The following TMEM178B variants were observed in gnomAD, a reference collection of about 807,000 sequenced individuals.
The protein encoded by TMEM178B is transmembrane protein 178B.
Under a neutral mutation model 31.0 loss-of-function variants are expected in TMEM178B, and 5 were observed. The observed-to-expected ratio is 0.16, with a 90% CI of 0.08 to 0.34. The LOEUF (loss-of-function observed/expected upper bound fraction) is 0.34, where lower values mean the gene tolerates loss of function less well. Among genes scored for constraint, TMEM178B ranks in the 10% least tolerant of loss-of-function variants. The probability of loss-of-function intolerance (pLI) is 1.00; values close to 1 mark genes in which losing one functional copy is unlikely to be tolerated. For missense variants in TMEM178B, 275 were observed against 400.3 expected, an observed-to-expected ratio of 0.69 and a Z score of 2.67; for synonymous variants, 164 against 164.0, an observed-to-expected ratio of 1.00 and a Z score of 0.00.
chr7:141,098,342 C>A (rs188155232), intron 1 of TMEM178B, among the ~76,000 whole-genome samples: 1 of 152,216 alleles, frequency 6.6e-6, no homozygotes, highest in Non-Finnish European at 1.5e-5. Flanking sequence ...GAACTGCCCT[C>A]TTGAAGGGCT....
intron 2 of TMEM178B, among the ~76,000 whole-genome samples, chr7:141,436,057 G>T (rs547296191): frequency 6.6e-6 from 1 of 152,140 alleles, no homozygotes; most frequent in Non-Finnish European, 1.5e-5. Flanking sequence ...GTGTCTGATG[G>T]TCAATGTCAG....
intron 2 of TMEM178B, chr7:141,351,855 T>C (rs1208048079): frequency 6.6e-6 from 1 of 152,172 alleles, no homozygotes; most frequent in South Asian, 2.1e-4. Context: ...TGTCCCACCT[T>C]CAAAGATGCT....
chr7:141,487,857 A>T, the TMEM178B span, among the ~76,000 whole-genome samples: 1 of 151,926 alleles, frequency 6.6e-6, no homozygotes, highest in African/African-American at 2.4e-5. Flanking sequence ...TAAAAATATA[A>T]ACGTTCAATT....
intron 3 of TMEM178B, among the ~76,000 whole-genome samples, chr7:141,458,134 G>A (rs1801998605): frequency 6.6e-6 from 1 of 152,082 alleles, no homozygotes; most frequent in Non-Finnish European, 1.5e-5. Context: ...GTTGTTTATT[G>A]TTTGAGATGA....
At chr7:141,507,326 G>A in the TMEM178B span, among the ~76,000 whole-genome samples, 1 of 152,124 alleles carries the variant, frequency 6.6e-6, no homozygotes, top group Non-Finnish European at 1.5e-5. Flanking sequence ...CTTTCACTTG[G>A]GCATCCAGGC....
chr7:141,160,270 C>T (rs547418323), intron 1 of TMEM178B, among the ~76,000 whole-genome samples: 1 of 152,134 alleles, frequency 6.6e-6, no homozygotes, highest in East Asian at 1.9e-4. Flanking sequence ...TGATGAATTT[C>T]AAGCTGTCTA....
chr7:141,263,727 G>C (rs1038451651), intron 2 of TMEM178B, among the ~76,000 whole-genome samples: 1 of 152,208 alleles, frequency 6.6e-6, no homozygotes, highest in African/African-American at 2.4e-5. Flanking sequence ...CTCATCTGCA[G>C]GGATTTTCCC....
chr7:141,326,496 T>C (rs1770531408), intron 2 of TMEM178B, among the ~76,000 whole-genome samples: 1 of 152,188 alleles, frequency 6.6e-6, no homozygotes. Flanking sequence ...GTAGTGCCTA[T>C]GGGTAGATGC....
chr7:141,176,878 G>A (rs1484074657), intron 1 of TMEM178B, among the ~76,000 whole-genome samples: 2 of 151,912 alleles, frequency 1.3e-5, no homozygotes. Context: ...GGCCTATTTT[G>A]TTGATCTTTT....
At chr7:141,428,947 A>G (rs1401932323) in intron 2 of TMEM178B, among the ~76,000 whole-genome samples, 3 of 152,160 alleles carry the variant, frequency 2.0e-5, no homozygotes, top group Admixed American at 6.5e-5. Flanking sequence ...CACTGGATTC[A>G]CTGCTGGTAA....
chr7:141,428,897 C>A (rs1801370257), intron 2 of TMEM178B, among the ~76,000 whole-genome samples: 1 of 152,308 alleles, frequency 6.6e-6, no homozygotes, highest in Admixed American at 6.5e-5. Context: ...CAGCTGAATT[C>A]TTTCCTCCAA....
At chr7:141,180,480 AAAAG>A (rs1174683968) in intron 1 of TMEM178B, among the ~76,000 whole-genome samples, 59 of 151,058 alleles carry the variant, frequency 3.9e-4, no homozygotes, top group African/African-American at 1.4e-3. Flanking sequence ...AAAAAAAAAA[AAAAG>A]AAAGAAAGAA....
chr7:141,324,416 G>GTTTTTTTTTT lies in TMEM178B; in HGVS notation c.496+111740_496+111749dup, dbSNP rs56316531. Among the ~76,000 whole-genome samples the GTTTTTTTTTT allele has an allele frequency of 1.0e-4, 9 of 85,774 alleles. 1 individual carries two copies. Among genetic ancestry groups the GTTTTTTTTTT allele is most frequent in the African/African-American group, 1.6e-4 (4 of 24,836 alleles). The allele number at this position is 85,774 out of a possible 152,430, so 56.3% of individuals were successfully genotyped here. ...TGTGAGAGCAAGAGAGGAGACCAGG[G>GTTTTTTTTTT]TTTTTTTTTTTTTTTTTTTTTTTTT... On this transcript the variant is annotated intron_variant, in intron 2 of 3. Coordinates refer to ENST00000565468, the MANE Select transcript of TMEM178B (RefSeq NM_001195278.2).
the TMEM178B span, among the ~76,000 whole-genome samples, chr7:141,500,667 A>G: frequency 6.6e-6 from 1 of 152,140 alleles, no homozygotes; most frequent in Non-Finnish European, 1.5e-5. Context: ...CTTATTTTGC[A>G]TGATTTTCTG....
intron 2 of TMEM178B, among the ~76,000 whole-genome samples, chr7:141,238,124 T>A (rs1314659106): frequency 6.6e-6 from 1 of 152,036 alleles, no homozygotes; most frequent in Non-Finnish European, 1.5e-5. Context: ...GGAAACCGGT[T>A]GACTTCAGTG....
chr7:141,178,158 A>G (rs1323840335), intron 1 of TMEM178B, among the ~76,000 whole-genome samples: 1 of 152,080 alleles, frequency 6.6e-6, no homozygotes, highest in Non-Finnish European at 1.5e-5. Context: ...TCTCTCTGCC[A>G]TTTCCTTGTC....
chr7:141,216,139 A>G (rs988962892), intron 2 of TMEM178B, among the ~76,000 whole-genome samples: 1 of 152,024 alleles, frequency 6.6e-6, no homozygotes, highest in Non-Finnish European at 1.5e-5. Flanking sequence ...CCTGAATTAC[A>G]TACTTTTCAT....
chr7:141,493,686 G>A, the TMEM178B span, among the ~76,000 whole-genome samples: 1 of 152,232 alleles, frequency 6.6e-6, no homozygotes, highest in Non-Finnish European at 1.5e-5. Flanking sequence ...AAGGAAAAGA[G>A]ATGGGCAATG....
chr7:141,214,646 C>T (rs939567529), intron 2 of TMEM178B, among the ~76,000 whole-genome samples: 3 of 152,124 alleles, frequency 2.0e-5, no homozygotes, highest in Admixed American at 6.6e-5. Context: ...AGGGAGGCAT[C>T]GCTGGAAACA....
Sources: allele counts gnomAD v4.1 joint callset (sites outside exome capture counted in the v4.1 genomes callset), GRCh38; gene constraint gnomAD v4.1.1; transcripts MANE v1.5; gene names NCBI Gene and HGNC (gene_info 2026-07-23, HGNC 2026-07-21).